Variants in GABRA3 observed in about 807,000 individuals in gnomAD.
GABRA3 encodes the protein gamma-aminobutyric acid receptor subunit alpha-3.
A neutral mutation model predicts 30.1 loss-of-function variants in GABRA3; 10 were observed. The observed-to-expected ratio is 0.33, with a 90% CI of 0.20 to 0.56. The LOEUF is 0.56. GABRA3 is among the 20% of genes least tolerant of loss of function. The pLI, the probability that GABRA3 is intolerant of heterozygous loss-of-function variation, is 0.89. For synonymous variants in GABRA3, 151 were observed against 146.8 expected (o/e 1.03, Z -0.21); for missense variants, 233 against 392.0 (o/e 0.59, Z 3.42).
chrX:152,281,023 G>A (rs1939190272), intron 4 of GABRA3, among the ~76,000 whole-genome samples: 1 of 111,094 alleles, frequency 9.0e-6, no homozygotes, highest in African/African-American at 3.3e-5. Flanking sequence ...GACTAGAAGA[G>A]AAGGTGGAGC....
In GABRA3 at chrX:152,436,230, T is replaced by C. The variant is rs186871422; in HGVS notation, c.-27+14916A>G. Among the ~76,000 whole-genome samples the C allele has an allele frequency of 4.1e-3, 462 of 112,093 alleles. 1 individual carries two copies. Among genetic ancestry groups the C allele is most frequent in the African/African-American group, 0.014 (423 of 30,910 alleles). On this transcript the variant is annotated intron_variant, in intron 1 of 9. Transcript: ENST00000370314. ...ATAGCCAAAGACAGTTTTTAATTGT[T>C]TTTCAAAAATAATTTTTAAATGAAG...
intron 3 of GABRA3, among the ~76,000 whole-genome samples, chrX:152,343,537 G>GAACC (rs1416608941): frequency 9.1e-6 from 1 of 109,306 alleles, no homozygotes; most frequent in African/African-American, 3.3e-5. Flanking sequence ...TACAAGCCAG[G>GAACC]AACCTAGAAG....
At chrX:152,185,655 A>G (rs1200907807) in intron 9 of GABRA3, among the ~76,000 whole-genome samples, 1 of 111,497 alleles carries the variant, frequency 9.0e-6, no homozygotes, top group Non-Finnish European at 1.9e-5. Context: ...TACTCTAAAC[A>G]CGGGCCAACC....
chrX:152,265,397 CA>C (rs1938805711), intron 4 of GABRA3, among the ~76,000 whole-genome samples: 1 of 111,373 alleles, frequency 9.0e-6, no homozygotes, highest in African/African-American at 3.3e-5. Flanking sequence ...GCTGAATGAC[CA>C]ATGGGTCATT....
intron 1 of GABRA3, among the ~76,000 whole-genome samples, chrX:152,394,936 A>G (rs1929615264): frequency 9.0e-6 from 1 of 111,575 alleles, no homozygotes; most frequent in Non-Finnish European, 1.9e-5. Context: ...ATATGTGTTC[A>G]TGAGGTCCAG....
At chrX:152,247,050 T>C (rs1938471778) in intron 5 of GABRA3, among the ~76,000 whole-genome samples, 1 of 111,757 alleles carries the variant, frequency 8.9e-6, no homozygotes, top group African/African-American at 3.2e-5. Flanking sequence ...TGATGAAGTT[T>C]GTGGGAGGAG....
chrX:152,367,105 C>T (rs192397932), intron 1 of GABRA3, among the ~76,000 whole-genome samples: 7 of 110,950 alleles, frequency 6.3e-5, no homozygotes, highest in Admixed American at 1.9e-4. Context: ...GAACATCATA[C>T]GAATATTCAG....
chrX:152,301,641 C>T (rs1360695506), intron 3 of GABRA3, among the ~76,000 whole-genome samples: 1 of 110,868 alleles, frequency 9.0e-6, no homozygotes, highest in Non-Finnish European at 1.9e-5. Flanking sequence ...TCAAGTGATT[C>T]TCCTGCCTCA....
At chrX:152,297,464 C>T (rs888065118) in intron 3 of GABRA3, among the ~76,000 whole-genome samples, 1 of 111,820 alleles carries the variant, frequency 8.9e-6, no homozygotes, top group Non-Finnish European at 1.9e-5. Flanking sequence ...ATTTCATTTG[C>T]CTTTCACTCG....
At chrX:152,366,832 T>A (rs1928674294) in intron 1 of GABRA3, among the ~76,000 whole-genome samples, 1 of 111,090 alleles carries the variant, frequency 9.0e-6, no homozygotes, top group Non-Finnish European at 1.9e-5. Flanking sequence ...TTAAGTGAAA[T>A]GGTTTAGGAG....
At chrX:152,419,211 C>A (rs35094434) in intron 1 of GABRA3, among the ~76,000 whole-genome samples, 1 of 111,088 alleles carries the variant, frequency 9.0e-6, no homozygotes, top group African/African-American at 3.3e-5. Flanking sequence ...TTACTGGGTT[C>A]TGCACACCAA....
Position 152,419,986 on chromosome X carries a change from A to G in GABRA3, c.-27+31160T>C, listed in dbSNP as rs750449051. Among the ~76,000 whole-genome samples the G allele has an allele frequency of 8.9e-5, 10 of 111,929 alleles. No homozygotes were observed. In the South Asian group the frequency reaches 3.3e-3, roughly 37 times the overall value. On this transcript the variant is annotated intron_variant, in intron 1 of 9. Transcript: ENST00000370314. Reference sequence around the variant, plus strand: ...TGGTTTAACACTTGAAAATCAGTCAATGCAGTTCATCATATTAACAGAATA... The same window carrying G: ...TGGTTTAACACTTGAAAATCAGTCAGTGCAGTTCATCATATTAACAGAATA...
intron 3 of GABRA3, among the ~76,000 whole-genome samples, chrX:152,332,756 G>A (rs899577320): frequency 3.6e-5 from 4 of 112,098 alleles, no homozygotes; most frequent in Admixed American, 9.5e-5. Context: ...CCATGCCAAC[G>A]CAGAGGCCTG....
chrX:152,437,646 G>A (rs773967725), intron 1 of GABRA3, among the ~76,000 whole-genome samples: 8 of 111,790 alleles, frequency 7.2e-5, no homozygotes, highest in African/African-American at 2.6e-4. Flanking sequence ...GTGTAGTGCT[G>A]GTAAAAGAAT....
chrX:152,249,750 C>A (rs1938520414), intron 5 of GABRA3, among the ~76,000 whole-genome samples: 1 of 110,956 alleles, frequency 9.0e-6, no homozygotes, highest in Non-Finnish European at 1.9e-5. Flanking sequence ...AATGTATCAT[C>A]ACTACCTTCT....
intron 5 of GABRA3, among the ~76,000 whole-genome samples, chrX:152,237,784 T>C (rs1175519250): frequency 1.5e-3 from 158 of 104,400 alleles, no homozygotes; most frequent in African/African-American, 5.0e-3. Flanking sequence ...CATGATTTGG[T>C]TCTCTGTTTG....
At chrX:152,257,025 G>A (rs772262328) in intron 4 of GABRA3, among the ~76,000 whole-genome samples, 8 of 110,941 alleles carry the variant, frequency 7.2e-5, no homozygotes, top group South Asian at 3.8e-4. Flanking sequence ...ATATTCTGCC[G>A]AAAAATTCCG....
At chrX:152,182,781 A>ATATATATACTATATATGTATATATATACT (rs1569348719) in intron 9 of GABRA3, among the ~76,000 whole-genome samples, 1 of 31,373 alleles carries the variant, frequency 3.2e-5, no homozygotes, top group Non-Finnish European at 6.1e-5. Flanking sequence ...ATATATATAC[A>ATATATATACTATATATGTATATATATACT]GTATATATAT....
rs1282148658 is a variant in GABRA3 at position 152,354,172 on chromosome X, T to C, written c.141-8470A>G. Reference sequence around the variant, plus strand: ...GTAACCAAACTCAGGAAAAGCAATATATCATAATGATTAATAGCATGGACT... The same window carrying C: ...GTAACCAAACTCAGGAAAAGCAATACATCATAATGATTAATAGCATGGACT... On this transcript the variant is annotated intron_variant, in intron 2 of 9. Coordinates refer to ENST00000370314, the MANE Select transcript of GABRA3 (RefSeq NM_000808.4). Among the ~76,000 whole-genome samples, 37 of 111,306 alleles carry C rather than the reference T, an allele frequency of 3.3e-4. No homozygotes were observed. In the Admixed American group the frequency reaches 3.5e-3, roughly 10 times the overall value.
Sources: allele counts gnomAD v4.1 joint callset (sites outside exome capture counted in the v4.1 genomes callset), GRCh38; gene constraint gnomAD v4.1.1; transcripts MANE v1.5; gene names NCBI Gene and HGNC (gene_info 2026-07-23, HGNC 2026-07-21).